Variants in MX1 observed in about 807,000 individuals in gnomAD.
MX1 encodes the protein MX dynamin like GTPase 1, also known as interferon-induced GTP-binding protein Mx1.
In MX1, 66 loss-of-function variants were observed where a neutral mutation model predicts 66.4. That is an observed-to-expected ratio of 0.99 (90% CI 0.82 to 1.22). The LOEUF is 1.22. MX1 is among the 50% of genes most tolerant of loss of function. MX1 has a pLI of 0.00. For missense variants in MX1, 787 were observed against 834.3 expected (o/e 0.94, Z 0.70); for synonymous variants, 311 against 318.1 (o/e 0.98, Z 0.24).
chr21:41,428,496 C>G (rs1233807942), intron 3 of MX1: 1 of 152,254 alleles, frequency 6.6e-6, no homozygotes, highest in African/African-American at 2.4e-5. Flanking sequence ...ATCTGTTCCT[C>G]CAGGGACCTC....
chr21:41,447,056 A>T (rs1411471284), intron 13 of MX1, among the ~76,000 whole-genome samples: 1 of 152,224 alleles, frequency 6.6e-6, no homozygotes, highest in African/African-American at 2.4e-5. Flanking sequence ...TTTGGCTGTC[A>T]TAACAAAGTA....
intron 6 of MX1, 128 bp from the exon 7 acceptor site, chr21:41,436,887 A>T: frequency 3.5e-6 from 4 of 1,158,776 alleles, no homozygotes; most frequent in Non-Finnish European, 3.6e-6. Context: ...AGAGGGTAAG[A>T]CCAGAAAGTT....
intron 8 of MX1, 76 bp downstream of exon 8, chr21:41,439,924 G>A (rs371961687): frequency 2.7e-6 from 4 of 1,479,488 alleles, no homozygotes; most frequent in Non-Finnish European, 3.7e-6. Flanking sequence ...GAGAAAGAGG[G>A]TACTGTATTA....
intron 11 of MX1, among the ~76,000 whole-genome samples, chr21:41,445,165 G>A (rs36104334): frequency 7.2e-4 from 109 of 152,212 alleles, no homozygotes; most frequent in African/African-American, 2.5e-3. Context: ...AACTGCTCCC[G>A]GGTCACTCTG....
intron 15 of MX1, among the ~76,000 whole-genome samples, chr21:41,452,285 G>A (rs1045064186): frequency 2.0e-5 from 3 of 152,284 alleles, no homozygotes; most frequent in East Asian, 1.9e-4. Context: ...TTATCTGATG[G>A]ATATGACAAT....
At position 41,445,489 on chromosome 21, in the gene MX1, C is replaced by T; in HGVS notation, c.1050C>T (p.His350=). 1 of 1,614,054 alleles carries T rather than the reference C, an allele frequency of 6.2e-7. No homozygotes were observed. The highest frequency in any genetic ancestry group is 1.1e-5 in the South Asian group (1 of 91,084). The part of the protein sequence containing the change: ...PLLENQIKET[H]QRITEELQKY... ...TAGAAAATCAAATCAAGGAGACTCACCAGAGAATAACAGAGGAGCTACAAA... is the reference window on the plus strand; with the variant it reads ...TAGAAAATCAAATCAAGGAGACTCATCAGAGAATAACAGAGGAGCTACAAA... The change falls in exon 12 of 17, where the codon CAC becomes CAT. Residue 350 remains histidine, a synonymous_variant. Transcript: ENST00000398598.
intron 5 of MX1, 53 bp from the exon 6 acceptor site, chr21:41,435,784 T>A: frequency 6.4e-7 from 1 of 1,567,974 alleles, no homozygotes; most frequent in Non-Finnish European, 8.7e-7. Flanking sequence ...CCAAACCATA[T>A]CATGAGCATG....
intron 4 of MX1, 120 bp from the exon 5 acceptor site, chr21:41,431,930 C>A: frequency 2.9e-6 from 2 of 700,018 alleles, no homozygotes; most frequent in Non-Finnish European, 4.9e-6. Flanking sequence ...GGGACATCAC[C>A]ATGAACAACT....
intron 8 of MX1, among the ~76,000 whole-genome samples, 190 bp downstream of exon 8, chr21:41,440,038 G>A (rs572680292): frequency 1.2e-4 from 18 of 152,328 alleles, no homozygotes; most frequent in Middle Eastern, 3.4e-3. Context: ...CAAGTTGAAT[G>A]GAAGCTTCTT....
chr21:41,445,599 A>T, intron 12 of MX1, 29 bp downstream of exon 12: 1 of 1,613,672 alleles, frequency 6.2e-7, no homozygotes, highest in East Asian at 2.2e-5. Context: ...ATGGAGCTGG[A>T]GAAGCACATG....
intron 16 of MX1, among the ~76,000 whole-genome samples, chr21:41,453,150 G>A (rs1183022185): frequency 6.6e-6 from 1 of 152,192 alleles, no homozygotes; most frequent in Non-Finnish European, 1.5e-5. Flanking sequence ...TTACCTGGCG[G>A]CGGTGGCAAG....
chr21:41,427,489 C>A (rs1031999686), intron 2 of MX1, among the ~76,000 whole-genome samples, 185 bp downstream of exon 2: 2 of 152,044 alleles, frequency 1.3e-5, no homozygotes, highest in African/African-American at 4.8e-5. Context: ...CAAACCTGCA[C>A]GTTCTGCACA....
chr21:41,426,026 C>G (rs1016499420), upstream of MX1: 2 of 158,808 alleles, frequency 1.3e-5, 1 homozygote, highest in South Asian at 4.1e-4. Context: ...CCTGATGAAA[C>G]GAGCATCTGA....
At position 41,458,889 on chromosome 21, in the gene MX1, G is replaced by A. The variant is rs181819583; in HGVS notation, c.*131G>A. On this transcript the variant is annotated 3_prime_UTR_variant, in exon 17 of 17. Coordinates refer to ENST00000398598, the MANE Select transcript of MX1 (RefSeq NM_002462.5). ...CCGTCTCTGCTTATCCGTTAGCCGT[G>A]GTGATTTAGCAGGAAGCTGTGAGAG... The A allele has an allele frequency of 1.8e-5, 26 of 1,427,982 alleles. No individual in the cohort carries two copies. In the African/African-American group the frequency reaches 3.1e-4, roughly 17 times the overall value. 88.5% of individuals were successfully genotyped at this position (1,427,982 alleles called of 1,614,324 possible). A position where few individuals can be genotyped will look rare whatever the true frequency, so the allele number is the denominator to read the frequency against.
At chr21:41,455,854 T>C (rs1000171103) in intron 16 of MX1, among the ~76,000 whole-genome samples, 1 of 152,264 alleles carries the variant, frequency 6.6e-6, no homozygotes, top group African/African-American at 2.4e-5. Context: ...TTTGTTTGTA[T>C]ATCATGTATC....
chr21:41,452,947 C>G, intron 16 of MX1, 78 bp downstream of exon 16: 1 of 1,547,792 alleles, frequency 6.5e-7, no homozygotes, highest in South Asian at 1.2e-5. Context: ...TAGTCTTGCT[C>G]TCTCTGTAGG....
intron 5 of MX1, 74 bp from the exon 6 acceptor site, chr21:41,435,762 AG>A (rs753264475): frequency 4.2e-5 from 62 of 1,479,632 alleles, no homozygotes; most frequent in Non-Finnish European, 5.5e-5. Flanking sequence ...AGATTTGGGT[AG>A]GGACACAGAA....
chr21:41,447,459 G>T (rs1407837468), intron 13 of MX1, among the ~76,000 whole-genome samples: 1 of 152,200 alleles, frequency 6.6e-6, no homozygotes, highest in Non-Finnish European at 1.5e-5. Flanking sequence ...GGCACAGAGT[G>T]CTGGTCCACA....
At chr21:41,455,511 C>T (rs1394434113) in intron 16 of MX1, among the ~76,000 whole-genome samples, 2 of 152,206 alleles carry the variant, frequency 1.3e-5, no homozygotes, top group African/African-American at 2.4e-5. Flanking sequence ...GAGGAGTCTC[C>T]GAGCCAAGCA....
Sources: allele counts gnomAD v4.1 joint callset (sites outside exome capture counted in the v4.1 genomes callset), GRCh38; gene constraint gnomAD v4.1.1; transcripts MANE v1.5; gene names NCBI Gene and HGNC (gene_info 2026-07-23, HGNC 2026-07-21).